PTBP3: variants seen among roughly 807,000 people sequenced by gnomAD.
PTBP3 encodes the protein polypyrimidine tract binding protein 3.
In PTBP3, 20 loss-of-function variants were observed where a neutral mutation model predicts 58.7. The observed-to-expected ratio is 0.34, with a 90% CI of 0.24 to 0.50. The LOEUF is 0.50. Among genes scored for constraint, PTBP3 ranks in the 20% least tolerant of loss-of-function variants. PTBP3 has a pLI of 0.98. For synonymous variants in PTBP3, 185 were observed against 219.8 expected, an observed-to-expected ratio of 0.84 and a Z score of 1.40; for missense variants, 509 against 637.2, an observed-to-expected ratio of 0.80 and a Z score of 2.17.
At chr9:112,270,309 T>C (rs1827321878) in intron 3 of PTBP3, among the ~76,000 whole-genome samples, 1 of 152,204 alleles carries the variant, frequency 6.6e-6, no homozygotes, top group African/African-American at 2.4e-5. Flanking sequence ...CACATAAATA[T>C]GTAAAGGTAT....
At chr9:112,293,114 A>G (rs766165621) in intron 2 of PTBP3, among the ~76,000 whole-genome samples, 17 of 152,376 alleles carry the variant, frequency 1.1e-4, no homozygotes, top group Middle Eastern at 3.4e-3. Context: ...GTTGAATGAA[A>G]GAACCCAGAC....
Position 112,268,150 on chromosome 9 carries a change from T to G in PTBP3, c.250A>C (p.Asn84His). ...TGAGGAGTAATAGGAGTGTAATAAT[T>G]CACCATAGTAACGGCAGCTTCCTCA... ...ASEEAAVTMV[N>H]YYTPITPHLR... Residue 84 changes from asparagine to histidine, a missense_variant, in exon 4 of 14, where the codon AAT becomes CAT. Physicochemically the swap from Asn to His is moderately conservative, Grantham distance 68. This residue lies in a region of PTBP3 where 212 missense variants were observed against 215.3 expected (regional missense o/e 0.98). Transcript: ENST00000374257. The G allele has an allele frequency of 1.2e-6, 2 of 1,613,276 alleles. No homozygotes were observed. Among genetic ancestry groups the G allele is most frequent in the Non-Finnish European group, 1.7e-6 (2 of 1,179,792 alleles).
At chr9:112,295,542 G>A (rs530322777) in intron 2 of PTBP3, among the ~76,000 whole-genome samples, 1 of 136,916 alleles carries the variant, frequency 7.3e-6, no homozygotes, top group South Asian at 2.3e-4. Flanking sequence ...ATGAAGAACA[G>A]AAGAGTAGCA....
chr9:112,267,089 T>C (rs1385798663), intron 4 of PTBP3, among the ~76,000 whole-genome samples: 2 of 152,032 alleles, frequency 1.3e-5, no homozygotes, highest in African/African-American at 4.8e-5. Flanking sequence ...ATCAGAGAGC[T>C]GGAGGAGTTC....
chr9:112,231,282 A>C, intron 10 of PTBP3, 98 bp downstream of exon 10: 1 of 957,736 alleles, frequency 1.0e-6, no homozygotes, highest in South Asian at 1.8e-5. Flanking sequence ...TCAGCACAAT[A>C]CTTGGCACAC....
the PTBP3 span, among the ~76,000 whole-genome samples, chr9:112,359,174 G>A: frequency 1.3e-5 from 2 of 152,048 alleles, no homozygotes; most frequent in Non-Finnish European, 2.9e-5. Context: ...GGGCGCGGTG[G>A]CTCATGCCTT....
At chr9:112,225,882 C>CA (rs913740835) in intron 12 of PTBP3, among the ~76,000 whole-genome samples, 4 of 151,710 alleles carry the variant, frequency 2.6e-5, no homozygotes, top group East Asian at 1.9e-4. Flanking sequence ...CCTGTCTCTA[C>CA]AAAAAAATAC....
chr9:112,335,823 G>T (rs1012215926), upstream of PTBP3, among the ~76,000 whole-genome samples: 10 of 148,096 alleles, frequency 6.8e-5, no homozygotes, highest in South Asian at 2.1e-3. Context: ...TACTCAGGAG[G>T]TTGAGACAGG....
the PTBP3 span, among the ~76,000 whole-genome samples, chr9:112,344,362 A>G: frequency 2.6e-5 from 4 of 152,288 alleles, no homozygotes; most frequent in Middle Eastern, 3.4e-3. Flanking sequence ...GTTGTAGCCA[A>G]TTAATACTCA....
intron 12 of PTBP3, 112 bp downstream of exon 12, chr9:112,227,299 T>C (rs1026470300): frequency 4.6e-6 from 5 of 1,094,878 alleles, no homozygotes; most frequent in Admixed American, 1.9e-5. Flanking sequence ...TCAGAAACTG[T>C]TGACCAGGAC....
intron 8 of PTBP3, among the ~76,000 whole-genome samples, chr9:112,234,232 T>C (rs1037978142): frequency 1.3e-5 from 2 of 152,304 alleles, no homozygotes; most frequent in Admixed American, 6.5e-5. Flanking sequence ...ATGGGAATCA[T>C]TATCAACGTA....
the PTBP3 span, among the ~76,000 whole-genome samples, chr9:112,339,281 A>G: frequency 1.0e-5 from 1 of 99,410 alleles, no homozygotes; most frequent in South Asian, 4.4e-4. Context: ...ACACAGCAAG[A>G]CTCTGTCTCA....
chr9:112,305,939 C>CAA (rs985536138), intron 1 of PTBP3, among the ~76,000 whole-genome samples: 1 of 151,394 alleles, frequency 6.6e-6, no homozygotes, highest in Non-Finnish European at 1.5e-5. Flanking sequence ...GACTCTGTCT[C>CAA]AAAAAATAAA....
At chr9:112,235,883 CA>C (rs929276178) in intron 7 of PTBP3, among the ~76,000 whole-genome samples, 2 of 151,878 alleles carry the variant, frequency 1.3e-5, no homozygotes, top group African/African-American at 4.8e-5. Flanking sequence ...AGGAAAGAAA[CA>C]AGGAATTATA....
rs1834859598 is a variant in PTBP3 at position 112,223,109 on chromosome 9, A to G, written c.*742T>C. ...AACATGATTTTTTCCTAATAAAATT[A>G]TTAGTTATTCTGACATCTTATTAAC... On this transcript the variant is annotated 3_prime_UTR_variant, in exon 14 of 14. Transcript: ENST00000374257. 2 of 869,678 alleles carry G rather than the reference A, an allele frequency of 2.3e-6. No individual in the cohort carries two copies. Among genetic ancestry groups the G allele is most frequent in the South Asian group, 1.1e-4 (2 of 18,844 alleles). 53.9% of individuals were successfully genotyped at this position (869,678 alleles called of 1,614,324 possible).
At chr9:112,344,240 T>C in the PTBP3 span, among the ~76,000 whole-genome samples, 1 of 152,192 alleles carries the variant, frequency 6.6e-6, no homozygotes, top group African/African-American at 2.4e-5. Context: ...GTTTAAATAG[T>C]ATTTGTCCTC....
chr9:112,311,183 T>G (rs914274887), intron 1 of PTBP3, among the ~76,000 whole-genome samples: 1 of 151,594 alleles, frequency 6.6e-6, no homozygotes, highest in South Asian at 2.1e-4. Flanking sequence ...GTTGCAGTTA[T>G]GGTGGAAAAT....
At chr9:112,247,390 C>G (rs1835929119) in intron 7 of PTBP3, among the ~76,000 whole-genome samples, 1 of 151,626 alleles carries the variant, frequency 6.6e-6, no homozygotes, top group African/African-American at 2.4e-5. Context: ...AATAAATTAG[C>G]CCGATACTTG....
intron 7 of PTBP3, among the ~76,000 whole-genome samples, chr9:112,249,751 T>C (rs1836028774): frequency 6.6e-6 from 1 of 151,986 alleles, no homozygotes; most frequent in South Asian, 2.1e-4. Flanking sequence ...CAAGAGTATA[T>C]AATCAATTAT....
Sources: allele counts gnomAD v4.1 joint callset (sites outside exome capture counted in the v4.1 genomes callset), GRCh38; gene constraint gnomAD v4.1.1; regional missense constraint gnomAD v4.1.1; transcripts MANE v1.5; gene names NCBI Gene and HGNC (gene_info 2026-07-23, HGNC 2026-07-21).